Variants in COL27A1 observed in about 807,000 individuals in gnomAD.
The protein encoded by COL27A1 is collagen alpha-1(XXVII) chain.
COL27A1 carries 106 observed loss-of-function variants against 251.3 expected under a neutral mutation model. The observed-to-expected ratio is 0.42, with a 90% CI of 0.36 to 0.50. The LOEUF (loss-of-function observed/expected upper bound fraction) is 0.50, where lower values mean the gene tolerates loss of function less well. COL27A1 is among the 20% of genes least tolerant of loss of function. The probability of loss-of-function intolerance (pLI) is 0.00; values close to 1 mark genes in which losing one functional copy is unlikely to be tolerated. For synonymous variants in COL27A1, 1,000 were observed against 986.3 expected, an observed-to-expected ratio of 1.01 and a Z score of -0.26; for missense variants, 2,325 against 2,522.8, an observed-to-expected ratio of 0.92 and a Z score of 1.68.
rs1424256508 is a variant in COL27A1, at chr9:114,169,214, G to T, written c.1659G>T (p.Lys553Asn). 3 of 1,613,988 alleles carry T rather than the reference G, an allele frequency of 1.9e-6. No homozygotes were observed. Among genetic ancestry groups the T allele is most frequent in the Non-Finnish European group, 2.5e-6 (3 of 1,180,026 alleles). Residue 553 changes from lysine (K) to asparagine (N), a missense_variant, in exon 3 of 61, where the codon AAG becomes AAT. Physicochemically the swap from Lys to Asn is moderately conservative, Grantham distance 94. Coordinates refer to ENST00000356083, the MANE Select transcript of COL27A1 (RefSeq NM_032888.4). ...CCGGACCCAAGAGCAGCCCCCGGAA[G>T]CCTGTCCCCCTCAGACCTGGGAAGG... is the stretch of plus-strand genomic sequence containing the variant. ...KKAGPKSSPRKPVPLRPGKAA... is the reference protein window; with the variant it reads ...KKAGPKSSPRNPVPLRPGKAA...
chr9:114,302,722 A>C lies in COL27A1; in HGVS notation c.4872+614A>C, dbSNP rs369312787. Among the ~76,000 whole-genome samples the C allele has an allele frequency of 7.0e-3, 665 of 95,256 alleles. 8 individuals are homozygous for C. Among genetic ancestry groups the C allele is most frequent in the East Asian group, 0.035 (132 of 3,772 alleles). 62.5% of individuals were successfully genotyped at this position (95,256 alleles called of 152,430 possible). On this transcript the variant is annotated intron_variant, in intron 56 of 60. Transcript: ENST00000356083. ...GACTCTGTCTCAAAAAGAAACAAAA[A>C]AAACAAAAAAAAAAAAAAACAAAGA...
chr9:114,261,194 C>A (rs1423659422), intron 28 of COL27A1, among the ~76,000 whole-genome samples: 1 of 152,194 alleles, frequency 6.6e-6, no homozygotes, highest in Admixed American at 6.5e-5. Context: ...TTCACAAGAG[C>A]TGTGGTTGGC....
chr9:114,165,827 TATCCATCCATCC>T (rs146615632), intron 2 of COL27A1, among the ~76,000 whole-genome samples: 16 of 135,856 alleles, frequency 1.2e-4, no homozygotes, highest in Non-Finnish European at 1.7e-4. Flanking sequence ...AGGCATTATT[TATCCATCCATCC>T]ATCCATCCAT....
chr9:114,157,065 C>A (rs1050379939), intron 1 of COL27A1, among the ~76,000 whole-genome samples: 17 of 148,486 alleles, frequency 1.1e-4, no homozygotes, highest in African/African-American at 3.5e-4. Flanking sequence ...GCCCCGCACC[C>A]CCTCACCACA....
At position 114,224,815 on chromosome 9, in the gene COL27A1, G is replaced by T. The variant is rs575203993; in HGVS notation, c.2466+2548G>T. Among the ~76,000 whole-genome samples the T allele has an allele frequency of 2.6e-5, 4 of 151,992 alleles. No homozygotes were observed. The Middle Eastern group carries it at 0.01, about 388-fold the overall frequency. On this transcript the variant is annotated intron_variant, in intron 14 of 60. Transcript: ENST00000356083. The stretch of plus-strand genomic sequence containing the variant: ...CAACAGGTGTGTACCATGATGCCCA[G>T]CTAATTTTAGTATTTTCTTTTTGTA...
chr9:114,217,991 G>A, intron 12 of COL27A1: 2 of 359,214 alleles, frequency 5.6e-6, no homozygotes. Flanking sequence ...GTGTGCATCT[G>A]TAATCCCAGC....
intron 3 of COL27A1, among the ~76,000 whole-genome samples, chr9:114,172,661 G>C (rs935749283): frequency 6.6e-6 from 1 of 152,144 alleles, no homozygotes; most frequent in African/African-American, 2.4e-5. Context: ...AGGCATGGTG[G>C]TGTGCGCCTG....
intron 14 of COL27A1, 63 bp from the exon 15 acceptor site, chr9:114,231,016 C>A (rs946690492): frequency 7.5e-6 from 11 of 1,461,848 alleles, no homozygotes; most frequent in Non-Finnish European, 1.0e-5. Flanking sequence ...TTGTCCCCAC[C>A]ACCCAGGCCA....
chr9:114,265,041 T>C, intron 30 of COL27A1, 25 bp from the exon 31 acceptor site: 1 of 1,612,824 alleles, frequency 6.2e-7, no homozygotes, highest in South Asian at 1.1e-5. Flanking sequence ...TCTGAGCCTG[T>C]AATGACCCCC....
At chr9:114,289,057 A>C (rs989693397) in intron 44 of COL27A1, 90 bp downstream of exon 44, 18 of 1,501,398 alleles carry the variant, frequency 1.2e-5, no homozygotes, top group Non-Finnish European at 1.7e-5. Flanking sequence ...TAAAGCTTAA[A>C]GGGACCCTCC....
At chr9:114,288,542 G>T (rs1372599538) in intron 42 of COL27A1, 31 bp downstream of exon 42, 3 of 1,588,922 alleles carry the variant, frequency 1.9e-6, no homozygotes, top group Admixed American at 3.6e-5. Context: ...GGACCATGTG[G>T]CGTCCTAGGT....
intron 49 of COL27A1, among the ~76,000 whole-genome samples, chr9:114,292,526 C>G (rs540094164): frequency 2.0e-5 from 3 of 152,180 alleles, no homozygotes; most frequent in Admixed American, 2.0e-4. Flanking sequence ...CTGCCTTCAT[C>G]CCCCTGTCCC....
At chr9:114,184,619 C>A (rs151266059) in intron 5 of COL27A1, among the ~76,000 whole-genome samples, 210 of 152,344 alleles carry the variant, frequency 1.4e-3, no homozygotes, top group African/African-American at 4.5e-3. Flanking sequence ...AGGGTGAACA[C>A]TGATGATAAT....
rs183678867 is a variant in COL27A1, at chr9:114,269,292, C to T, written c.3553C>T (p.Arg1185Trp). The T allele has an allele frequency of 7.1e-5, 114 of 1,607,028 alleles. No homozygotes were observed. In the East Asian group the frequency reaches 1.4e-3, roughly 20 times the overall value. Residue 1185 changes from arginine to tryptophan, a missense_variant and splice_region_variant, in exon 35 of 61, where the codon CGG becomes TGG. This residue lies in a region of COL27A1 where 662 missense variants were observed against 795.3 expected (regional missense o/e 0.83). Transcript: ENST00000356083. ...TGGGGAGCAGGGCCTCATTGGGCAA[C>T]GGGTAAGTTGAAGCAATTTATTCTT... The part of the protein sequence containing the change: ...TPGEQGLIGQ[R>W]GEPGLEGDSG...
intron 51 of COL27A1, 129 bp downstream of exon 51, chr9:114,300,816 G>A: frequency 1.2e-6 from 1 of 826,996 alleles, no homozygotes. Flanking sequence ...CACAGGCCTG[G>A]TTCCCACCTT....
chr9:114,301,378 C>A, intron 53 of COL27A1, 59 bp downstream of exon 53: 1 of 1,612,270 alleles, frequency 6.2e-7, no homozygotes, highest in Non-Finnish European at 8.5e-7. Context: ...GAGGGGTGGG[C>A]TCCCAGAGTT....
Position 114,307,685 on chromosome 9 carries a change from T to A in COL27A1, c.5124T>A (p.Asp1708Glu). The A allele has an allele frequency of 6.2e-7, 1 of 1,613,940 alleles. No individual in the cohort carries two copies. The highest frequency in any genetic ancestry group is 8.5e-7 in the Non-Finnish European group (1 of 1,179,844). Residue 1708 changes from aspartate to glutamate, a missense_variant, in exon 59 of 61, where the codon GAT (aspartate) becomes GAA (glutamate). Asp to Glu is a conservative substitution (Grantham distance 45, BLOSUM62 2). Transcript: ENST00000356083. Reference sequence around the variant, plus strand: ...TGCCTGCAGGTACCTACTGGGTGGATCCAAACCTTGGCTGCTCCTCTGACA... The same window carrying A: ...TGCCTGCAGGTACCTACTGGGTGGAACCAAACCTTGGCTGCTCCTCTGACA... ...QKMVDGTYWV[D>E]PNLGCSSDTI...
intron 6 of COL27A1, among the ~76,000 whole-genome samples, chr9:114,195,751 A>G (rs1459342788): frequency 6.6e-6 from 1 of 152,168 alleles, no homozygotes; most frequent in Admixed American, 6.5e-5. Context: ...GATCAGATGG[A>G]GCCGCTGAGT....
chr9:114,301,003 C>A, intron 51 of COL27A1, 69 bp from the exon 52 acceptor site: 1 of 1,488,190 alleles, frequency 6.7e-7, no homozygotes, highest in Non-Finnish European at 9.1e-7. Flanking sequence ...GGCTGCCCTC[C>A]ACCCCGCTCC....
Sources: gnomAD v4.1 joint callset for allele counts (sites outside exome capture counted in the v4.1 genomes callset) on GRCh38, gnomAD v4.1.1 for gene constraint, gnomAD v4.1.1 regional missense constraint, MANE v1.5 for transcripts, NCBI Gene and HGNC (gene_info 2026-07-23, HGNC 2026-07-21) for gene names.